The following LPCAT4 variants were observed in gnomAD, a reference collection of about 807,000 sequenced individuals.
LPCAT4 encodes the protein lysophospholipid acyltransferase LPCAT4.
Under a neutral mutation model 66.5 loss-of-function variants are expected in LPCAT4, and 30 were observed. The observed-to-expected ratio is 0.45, with a 90% CI of 0.34 to 0.61. The LOEUF is 0.61. Ranked by LOEUF, LPCAT4 falls within the 20% of genes least tolerant of loss-of-function variation. The pLI is 0.01. For synonymous variants in LPCAT4, 253 were observed against 262.1 expected, an observed-to-expected ratio of 0.97 and a Z score of 0.34; for missense variants, 557 against 656.7, an observed-to-expected ratio of 0.85 and a Z score of 1.66.
Position 34,359,007 on chromosome 15 carries a change from C to T in LPCAT4, c.*120G>A, listed in dbSNP as rs1890875939. On this transcript the variant is annotated 3_prime_UTR_variant, in exon 14 of 14. Coordinates refer to ENST00000314891, the MANE Select transcript of LPCAT4 (RefSeq NM_153613.3). ...CAACCAAACAAAAAATTAAAATCAA[C>T]TTAAAAAAACAACAACCAAACAACA... 2 of 786,640 alleles carry T rather than the reference C, an allele frequency of 2.5e-6. No individual in the cohort carries two copies. Among genetic ancestry groups the T allele is most frequent in the Admixed American group, 3.7e-5 (1 of 26,670 alleles). 48.7% of individuals were successfully genotyped at this position (786,640 alleles called of 1,614,324 possible).
Position 34,360,093 on chromosome 15 carries a change from A to T in LPCAT4, c.1242+18T>A. On this transcript the variant is annotated intron_variant, in intron 12 of 13. Coordinates refer to ENST00000314891, the MANE Select transcript of LPCAT4 (RefSeq NM_153613.3). ...GCATAGCCACTAAGCACCCCCCACC[A>T]CCGCCACCCCCCATTACCTCAAAGG... 8.8e-7 allele frequency: 1 copy of T among 1,131,650 alleles called. No individual in the cohort carries two copies. The highest frequency in any genetic ancestry group is 1.3e-6 in the Non-Finnish European group (1 of 757,578). The allele number at this position is 1,131,650 out of a possible 1,614,324, so 70.1% of individuals were successfully genotyped here. A position where few individuals can be genotyped will look rare whatever the true frequency, so the allele number is the denominator to read the frequency against.
In LPCAT4 at chr15:34,363,934, CT is replaced by C. The variant is rs1343299822; in HGVS notation, c.652+78del. The stretch of plus-strand genomic sequence containing the variant: ...TCCCATCCCTCCCCCTCTTCTACTT[CT>C]TGGGTTATTTCAGAGTCCCTCCCCA... On this transcript the variant is annotated intron_variant, in intron 5 of 13. Coordinates refer to ENST00000314891, the MANE Select transcript of LPCAT4 (RefSeq NM_153613.3). The surrounding 1 kb of genome is among the most constrained non-coding windows in gnomAD (Gnocchi z 4.3). 6.8e-7 allele frequency: 1 copy of C among 1,473,954 alleles called. No individual in the cohort carries two copies. The highest frequency in any genetic ancestry group is 1.4e-5 in the African/African-American group (1 of 71,866). 91.3% of individuals were successfully genotyped at this position (1,473,954 alleles called of 1,614,324 possible).
intron 7 of LPCAT4, 140 bp from the exon 8 acceptor site, chr15:34,362,976 C>T: frequency 1.3e-6 from 1 of 796,378 alleles, no homozygotes; most frequent in Non-Finnish European, 2.1e-6. Flanking sequence ...AGACTCCTAG[C>T]CATACAGTCA....
chr15:34,365,933 G>T (rs1393270223), intron 1 of LPCAT4: 1 of 519,504 alleles, frequency 1.9e-6, no homozygotes, highest in Non-Finnish European at 3.5e-6. Context: ...TCTTTCAGTT[G>T]GTCCCTACCC....
rs544617368 is a variant in LPCAT4, at chr15:34,367,180, G to T, written c.-80C>A. 2.3e-5 allele frequency: 27 copies of T among 1,174,982 alleles called. No individual in the cohort carries two copies. Among genetic ancestry groups the T allele is most frequent in the South Asian group, 1.9e-4 (8 of 42,584 alleles). The allele number at this position is 1,174,982 out of a possible 1,614,324, so 72.8% of individuals were successfully genotyped here. ...GCAGAGCAGCTGCTGCTGCAGCAGC[G>T]GCGGCGGCGGCGCTCTGGCCCGGGC... is the stretch of plus-strand genomic sequence containing the variant. On this transcript the variant is annotated 5_prime_UTR_variant, in exon 1 of 14. Coordinates refer to ENST00000314891, the MANE Select transcript of LPCAT4 (RefSeq NM_153613.3).
rs764069193 is a variant in LPCAT4 at position 34,359,936 on chromosome 15, C to T, written c.1242+175G>A. On this transcript the variant is annotated intron_variant, in intron 12 of 13. Coordinates refer to ENST00000314891, the MANE Select transcript of LPCAT4 (RefSeq NM_153613.3). ...CCTTCTTCTTCCTTCTTCTTGTGCC[C>T]AGCTAGGTCTCAACATAGAGGCCGG... 134 of 804,804 alleles carry T rather than the reference C, an allele frequency of 1.7e-4. No individual in the cohort carries two copies. The Admixed American group carries it at 3.6e-3, about 22-fold the overall frequency. 49.9% of individuals were successfully genotyped at this position (804,804 alleles called of 1,614,324 possible).
At chr15:34,365,478 T>C in intron 2 of LPCAT4, 81 bp downstream of exon 2, 1 of 1,577,964 alleles carries the variant, frequency 6.3e-7, no homozygotes, top group South Asian at 1.1e-5. Context: ...CAGAATGCTC[T>C]CTTTTCTTCT....
chr15:34,364,109 C>A (rs748762284), intron 4 of LPCAT4, 36 bp from the exon 5 acceptor site: 1 of 1,604,534 alleles, frequency 6.2e-7, no homozygotes, highest in East Asian at 2.2e-5. Context: ...GTGAAGAAGA[C>A]TGAAGAAGGC....
chr15:34,363,883 TAGG>T lies in LPCAT4; in HGVS notation c.652+127_652+129del. 1.6e-6 allele frequency: 2 copies of T among 1,269,130 alleles called. No homozygotes were observed. Among genetic ancestry groups the T allele is most frequent in the Non-Finnish European group, 2.3e-6 (2 of 879,696 alleles). The allele number at this position is 1,269,130 out of a possible 1,614,324, so 78.6% of individuals were successfully genotyped here. Reference sequence around the variant, plus strand: ...GACTCCTCGACTTGACAGCATTAGCTAGGAGGTTCCTGGTCTCCCTTCCTCTCC... The same window carrying T: ...GACTCCTCGACTTGACAGCATTAGCTAGGTTCCTGGTCTCCCTTCCTCTCC... On this transcript the variant is annotated intron_variant, in intron 5 of 13. Transcript: ENST00000314891. The surrounding 1 kb of genome is among the most constrained non-coding windows in gnomAD (Gnocchi z 4.3).
Position 34,364,880 on chromosome 15 carries a change from A to C in LPCAT4, c.478+128T>G, listed in dbSNP as rs950507764. ...CTAAGACTGGTTGACTAATGGTGTT[A>C]ATTTATATTTCACTTGCCAACAGTC... On this transcript the variant is annotated intron_variant, in intron 3 of 13. Transcript: ENST00000314891. 6.9e-6 allele frequency: 5 copies of C among 721,074 alleles called. No individual in the cohort carries two copies. The Admixed American group carries it at 8.6e-5, about 12-fold the overall frequency. 44.7% of individuals were successfully genotyped at this position (721,074 alleles called of 1,614,324 possible). A position where few individuals can be genotyped will look rare whatever the true frequency, so the allele number is the denominator to read the frequency against.
At chr15:34,359,512 C>A in intron 13 of LPCAT4, 77 bp downstream of exon 13, 1 of 1,538,256 alleles carries the variant, frequency 6.5e-7, no homozygotes, top group Non-Finnish European at 8.8e-7. Flanking sequence ...AACCCTTGTT[C>A]CCTCCCAGCC....
chr15:34,364,453 C>A, intron 3 of LPCAT4, 147 bp from the exon 4 acceptor site: 1 of 583,804 alleles, frequency 1.7e-6, no homozygotes, highest in South Asian at 2.1e-5. Flanking sequence ...GACAGAGTTT[C>A]GCTTTTGTTG....
chr15:34,363,571 A>T lies in LPCAT4; in HGVS notation c.711+90T>A. The T allele has an allele frequency of 6.3e-7, 1 of 1,596,248 alleles. No individual in the cohort carries two copies. The highest frequency in any genetic ancestry group is 2.2e-5 in the East Asian group (1 of 44,796). On this transcript the variant is annotated intron_variant, in intron 6 of 13. Coordinates refer to ENST00000314891, the MANE Select transcript of LPCAT4 (RefSeq NM_153613.3). The surrounding 1 kb of genome is among the most constrained non-coding windows in gnomAD (Gnocchi z 4.3). ...CCTCTGGTCACAGCCCCCAATGCAC[A>T]TCCCATTAAAGCACCAACAGTTTTC...
At chr15:34,366,851 AC>A (rs1027417557) in intron 1 of LPCAT4, 135 bp downstream of exon 1, 68 of 1,368,226 alleles carry the variant, frequency 5.0e-5, no homozygotes, top group Non-Finnish European at 6.6e-5. Context: ...CCACGTGCGC[AC>A]CCCCGGACTC....
rs775472121 is a variant in LPCAT4 at position 34,364,000 on chromosome 15, T to A, written c.652+13A>T. 3 of 1,609,324 alleles carry A rather than the reference T, an allele frequency of 1.9e-6. No individual in the cohort carries two copies. Among genetic ancestry groups the A allele is most frequent in the East Asian group, 2.2e-5 (1 of 44,700 alleles). On this transcript the variant is annotated intron_variant, in intron 5 of 13. Transcript: ENST00000314891. This position sits in a 1 kb window ranked among gnomAD's most constrained non-coding sequence, Gnocchi z 4.3. ...TTTTCCTACAGCCCACCACCCACTA[T>A]CATTTTATTCACCTGGTTTGAACTT...
In LPCAT4 at chr15:34,365,177, C is replaced by A. The variant is rs1446055526; in HGVS notation, c.309G>T (p.Leu103=). The change falls in exon 3 of 14, where the codon CTG becomes CTT. Residue 103 remains leucine, a synonymous_variant. Transcript: ENST00000314891. The stretch of plus-strand genomic sequence containing the variant: ...GAACGCGAATCCGGAGGAAGCCCAG[C>A]AGGAAAAACAGCAGGCGGCTCAGGC... The part of the protein sequence containing the change: ...VLGLSRLLFF[L]LGFLRIRVRG... The A allele has an allele frequency of 6.2e-7, 1 of 1,613,992 alleles. No individual in the cohort carries two copies. The highest frequency in any genetic ancestry group is 1.1e-5 in the South Asian group (1 of 91,052).
rs565503974 is a variant in LPCAT4, at chr15:34,359,954, G to A, written c.1242+157C>T. 4 of 795,246 alleles carry A rather than the reference G, an allele frequency of 5.0e-6. No individual in the cohort carries two copies. The South Asian group carries it at 7.0e-5, about 14-fold the overall frequency. 49.3% of individuals were successfully genotyped at this position (795,246 alleles called of 1,614,324 possible). On this transcript the variant is annotated intron_variant, in intron 12 of 13. Coordinates refer to ENST00000314891, the MANE Select transcript of LPCAT4 (RefSeq NM_153613.3). ...TTGTGCCCAGCTAGGTCTCAACATA[G>A]AGGCCGGGGGTCTGCAGTTTTAGGC...
At position 34,367,049 on chromosome 15, in the gene LPCAT4, G is replaced by A. The variant is rs1307044609; in HGVS notation, c.52C>T (p.Pro18Ser). The A allele has an allele frequency of 1.3e-6, 2 of 1,553,530 alleles. No homozygotes were observed. The highest frequency in any genetic ancestry group is 1.7e-6 in the Non-Finnish European group (2 of 1,149,234). ...DWAPLDPTPG[P>S]PASPNPFVHE... is the part of the protein sequence containing the mutation. ...ACGAAGGGGTTGGGGGATGCTGGGG[G>A]TCCGGGGGTGGGATCTAGGGGGGCC... Residue 18 changes from proline (P) to serine (S), a missense_variant, in exon 1 of 14, where the codon CCC becomes TCC. Transcript: ENST00000314891.
chr15:34,359,632 A>G lies in LPCAT4; in HGVS notation c.1356T>C (p.His452=). ...GSPHPAATAL[H]AELCQAGSSQ... ...TGGATCCTGCCTGGCACAGCTCAGC[A>G]TGCAAAGCTGTGGCAGCAGGGTGGG... Residue 452 remains histidine (H), a synonymous_variant, in exon 13 of 14, where the codon CAT becomes CAC. Coordinates refer to ENST00000314891, the MANE Select transcript of LPCAT4 (RefSeq NM_153613.3). 6.2e-7 allele frequency: 1 copy of G among 1,613,438 alleles called. No individual in the cohort carries two copies. The highest frequency in any genetic ancestry group is 1.3e-5 in the African/African-American group (1 of 75,044).
Sources: allele counts gnomAD v4.1 joint callset, GRCh38; gene constraint gnomAD v4.1.1; non-coding constraint Gnocchi (gnomAD v3.1); transcripts MANE v1.5; gene names NCBI Gene and HGNC (gene_info 2026-07-23, HGNC 2026-07-21).